The following TCF4 variants were observed in gnomAD, a reference collection of about 807,000 sequenced individuals.
TCF4 encodes SL3-3 enhancer factor 2.
TCF4 carries 3 observed loss-of-function variants against 82.1 expected under a neutral mutation model. The ratio of observed to expected loss-of-function variants is 0.04; its 90% CI spans 0.02 to 0.09. TCF4 has a LOEUF of 0.09. Among genes scored for constraint, TCF4 ranks in the 10% least tolerant of loss-of-function variants. TCF4 has a pLI of 1.00. For missense variants in TCF4, 518 were observed against 852.7 expected (o/e 0.61, Z 4.89); for synonymous variants, 276 against 309.6 (o/e 0.89, Z 1.14).
chr18:55,378,732 C>T (rs961323510), intron 6 of TCF4, among the ~76,000 whole-genome samples: 36 of 152,324 alleles, frequency 2.4e-4, no homozygotes, highest in African/African-American at 8.2e-4. Flanking sequence ...TTCTCTTACA[C>T]ATGGTACACA....
chr18:55,360,731 C>A (rs1465282502), intron 6 of TCF4, among the ~76,000 whole-genome samples: 1 of 74,276 alleles, frequency 1.3e-5, no homozygotes, highest in Non-Finnish European at 2.4e-5. Flanking sequence ...GCCCCCCACC[C>A]TTTTTTTTTT....
At chr18:55,412,129 A>G (rs1009139037) in intron 5 of TCF4, among the ~76,000 whole-genome samples, 4 of 152,156 alleles carry the variant, frequency 2.6e-5, no homozygotes, top group African/African-American at 9.7e-5. Flanking sequence ...GCACAGCTCT[A>G]TAGGTTACAT....
chr18:55,449,638 C>T (rs184810977), intron 5 of TCF4, among the ~76,000 whole-genome samples: 3 of 152,284 alleles, frequency 2.0e-5, no homozygotes, highest in East Asian at 1.9e-4. Context: ...GGAAAAGGCA[C>T]GGCCAGTCAG....
At chr18:55,321,425 ACT>A in intron 8 of TCF4, 1 of 582,644 alleles carries the variant, frequency 1.7e-6, no homozygotes. Flanking sequence ...TCTAGGATCC[ACT>A]CTCTAAAGCT....
At chr18:55,358,679 T>C (rs2084242120) in intron 6 of TCF4, among the ~76,000 whole-genome samples, 1 of 152,204 alleles carries the variant, frequency 6.6e-6, no homozygotes, top group South Asian at 2.1e-4. Context: ...AAACTTGTTT[T>C]TTCTCCCTCT....
intron 3 of TCF4, among the ~76,000 whole-genome samples, chr18:55,548,846 T>A (rs542370651): frequency 6.6e-6 from 1 of 152,356 alleles, no homozygotes; most frequent in Non-Finnish European, 1.5e-5. Flanking sequence ...TACACCTATA[T>A]AGGGCACTTG....
At chr18:55,576,759 A>C (rs1048048964) in intron 3 of TCF4, among the ~76,000 whole-genome samples, 4 of 152,146 alleles carry the variant, frequency 2.6e-5, no homozygotes, top group Non-Finnish European at 5.9e-5. Context: ...GCTAGATGTT[A>C]ATCACATTTT....
At chr18:55,515,871 G>A (rs151228737) in intron 3 of TCF4, among the ~76,000 whole-genome samples, 1 of 152,262 alleles carries the variant, frequency 6.6e-6, no homozygotes, top group African/African-American at 2.4e-5. Context: ...TTTTAAGATA[G>A]GAGAAATGAG....
At chr18:55,397,671 G>C (rs575429783) in intron 6 of TCF4, among the ~76,000 whole-genome samples, 1 of 152,228 alleles carries the variant, frequency 6.6e-6, no homozygotes, top group East Asian at 1.9e-4. Flanking sequence ...ATTTGCATGA[G>C]GACAACTGAA....
At chr18:55,331,691 C>T (rs968304884) in intron 8 of TCF4, among the ~76,000 whole-genome samples, 1 of 152,174 alleles carries the variant, frequency 6.6e-6, no homozygotes, top group African/African-American at 2.4e-5. Context: ...AGAGCTATAT[C>T]TACTTTAGAC....
chr18:55,502,716 A>G (rs921511472), intron 3 of TCF4, among the ~76,000 whole-genome samples: 1 of 152,222 alleles, frequency 6.6e-6, no homozygotes, highest in African/African-American at 2.4e-5. Context: ...CATGCTCTTC[A>G]CAAAGGAGAA....
intron 8 of TCF4, among the ~76,000 whole-genome samples, chr18:55,343,359 AAC>A (rs1222069832): frequency 6.6e-6 from 1 of 152,130 alleles, no homozygotes; most frequent in Non-Finnish European, 1.5e-5. Flanking sequence ...AGTGAAATTT[AAC>A]ACACACACAG....
At chr18:55,372,931 AG>A (rs2089713888) in intron 6 of TCF4, among the ~76,000 whole-genome samples, 1 of 152,218 alleles carries the variant, frequency 6.6e-6, no homozygotes, top group Non-Finnish European at 1.5e-5. Flanking sequence ...TAGAAAGGCA[AG>A]AATAACTTTC....
chr18:55,252,674 T>C (rs1257863864), intron 15 of TCF4, among the ~76,000 whole-genome samples: 4 of 152,200 alleles, frequency 2.6e-5, no homozygotes, highest in Admixed American at 6.5e-5. Flanking sequence ...ATGGAAAAAA[T>C]AGTCTCTGAA....
At chr18:55,321,658 G>A in intron 8 of TCF4, 1 of 1,536,062 alleles carries the variant, frequency 6.5e-7, no homozygotes, top group South Asian at 1.2e-5. Flanking sequence ...CTCGCAGCCC[G>A]CATTCGCTTA....
chr18:55,348,222 G>T (rs1448771063), intron 8 of TCF4, among the ~76,000 whole-genome samples: 2 of 151,896 alleles, frequency 1.3e-5, no homozygotes, highest in Admixed American at 6.6e-5. Flanking sequence ...AATAGAGCTG[G>T]GATTTTTTTA....
intron 8 of TCF4, chr18:55,321,446 A>G: frequency 1.5e-6 from 1 of 664,598 alleles, no homozygotes; most frequent in Non-Finnish European, 2.6e-6. Flanking sequence ...CTCTGAAAGC[A>G]TCTATTTTTC....
At chr18:55,444,166 T>A (rs1568043686) in intron 5 of TCF4, among the ~76,000 whole-genome samples, 1 of 152,198 alleles carries the variant, frequency 6.6e-6, no homozygotes, top group African/African-American at 2.4e-5. Flanking sequence ...ACGTATTAAG[T>A]CCCATTCTAC....
At chr18:55,387,071 A>T (rs2092670771) in intron 6 of TCF4, among the ~76,000 whole-genome samples, 1 of 152,252 alleles carries the variant, frequency 6.6e-6, no homozygotes, top group Non-Finnish European at 1.5e-5. Context: ...ATAGAGTATT[A>T]GGACTGTGGA....
Sources: allele counts gnomAD v4.1 joint callset (sites outside exome capture counted in the v4.1 genomes callset), GRCh38; gene constraint gnomAD v4.1.1; transcripts MANE v1.5; gene names NCBI Gene and HGNC (gene_info 2026-07-23, HGNC 2026-07-21).